Variants in ALKBH4 observed in about 807,000 individuals in gnomAD.
The protein encoded by ALKBH4 is alpha-ketoglutarate-dependent dioxygenase alkB homolog 4.
Under a neutral mutation model 12.1 loss-of-function variants are expected in ALKBH4, and 8 were observed. The ratio of observed to expected loss-of-function variants is 0.66; its 90% CI spans 0.39 to 1.19. The LOEUF (loss-of-function observed/expected upper bound fraction) is 1.19, where lower values mean the gene tolerates loss of function less well. ALKBH4 is among the 50% of genes most tolerant of loss of function. ALKBH4 has a pLI of 0.01. For synonymous variants in ALKBH4, 195 were observed against 191.6 expected, an observed-to-expected ratio of 1.02 and a Z score of -0.15; for missense variants, 403 against 430.4, an observed-to-expected ratio of 0.94 and a Z score of 0.56.
At position 102,457,361 on chromosome 7, in the gene ALKBH4, G is replaced by A. The variant is rs761158734; in HGVS notation, c.*33C>T. 2.7e-5 allele frequency: 43 copies of A among 1,579,382 alleles called. No homozygotes were observed. The highest frequency in any genetic ancestry group is 4.0e-5 in the African/African-American group (3 of 74,418). On this transcript the variant is annotated 3_prime_UTR_variant, in exon 3 of 3. Transcript: ENST00000292566. This position sits in a 1 kb window ranked among gnomAD's most constrained non-coding sequence, Gnocchi z 5.9. Reference sequence around the variant, plus strand: ...GTTCTGTGCTCCTCATTTCAATCCCGGGATCAGTCAAGTCTGGAGCCAAGG... The same window carrying A: ...GTTCTGTGCTCCTCATTTCAATCCCAGGATCAGTCAAGTCTGGAGCCAAGG...
intron 2 of ALKBH4, chr7:102,459,367 G>A (rs1178409037): frequency 9.0e-6 from 4 of 443,722 alleles, no homozygotes; most frequent in African/African-American, 2.0e-5. Flanking sequence ...CTACAGAGGG[G>A]CAGAGAGCCC....
At position 102,457,508 on chromosome 7, in the gene ALKBH4, G is replaced by T. The variant is rs539806636; in HGVS notation, c.795C>A (p.Arg265=). The change falls in exon 3 of 3, where the codon CGC becomes CGA. Residue 265 remains arginine, a synonymous_variant. Transcript: ENST00000292566. This position sits in a 1 kb window ranked among gnomAD's most constrained non-coding sequence, Gnocchi z 5.9. The part of the protein sequence containing the change: ...AIHRRHIEAR[R]VCVTFRELSA... ...ACAGCTCCCGGAAAGTGACGCAGACGCGGCGGGCCTCGATGTGTCTGCGGT... is the reference window on the plus strand; with the variant it reads ...ACAGCTCCCGGAAAGTGACGCAGACTCGGCGGGCCTCGATGTGTCTGCGGT... The T allele has an allele frequency of 1.2e-6, 2 of 1,613,282 alleles. No homozygotes were observed. The highest frequency in any genetic ancestry group is 4.5e-5 in the East Asian group (2 of 44,882).
intron 1 of ALKBH4, among the ~76,000 whole-genome samples, chr7:102,462,870 G>T (rs1797826182): frequency 6.6e-6 from 1 of 151,792 alleles, no homozygotes; most frequent in African/African-American, 2.4e-5. Flanking sequence ...CAGGAATCAT[G>T]CAGTATTTGT....
At chr7:102,462,380 T>C (rs1797817863) in intron 1 of ALKBH4, among the ~76,000 whole-genome samples, 1 of 152,066 alleles carries the variant, frequency 6.6e-6, no homozygotes, top group Non-Finnish European at 1.5e-5. Context: ...TTTTCTTTTT[T>C]TTTGTTTGAG....
chr7:102,463,491 G>A (rs971503006), intron 1 of ALKBH4, among the ~76,000 whole-genome samples: 2 of 151,662 alleles, frequency 1.3e-5, no homozygotes, highest in Non-Finnish European at 1.5e-5. Context: ...CACCAAGCCC[G>A]GCAAGTTTTT....
At position 102,463,901 on chromosome 7, in the gene ALKBH4, C is replaced by T. The variant is rs1385428116; in HGVS notation, c.123+813G>A. On this transcript the variant is annotated intron_variant, in intron 1 of 2. Transcript: ENST00000292566. ...CAGCCTCCACACCTTCATATCTGCC[C>T]GTTCCCTTCCCAGGATCTTTCTAAA... Among the ~76,000 whole-genome samples the T allele has an allele frequency of 2.6e-5, 4 of 152,204 alleles. 1 individual carries two copies. The highest frequency in any genetic ancestry group is 2.0e-4 in the Admixed American group (3 of 15,286).
chr7:102,457,767 C>A lies in ALKBH4; in HGVS notation c.536G>T (p.Arg179Leu). ...GGACAGGAGGTTGAGGCTGACCAGC[C>A]GCTCCCCCCACAGCCAGGCGTCGTC... ...HLDDAWLWGE[R>L]LVSLNLLSPT... is the part of the protein sequence containing the mutation. Residue 179 changes from arginine to leucine, a missense_variant, in exon 3 of 3, where the codon CGG (arginine) becomes CTG (leucine). Physicochemically the swap from Arg to Leu is moderately radical, Grantham distance 102. Transcript: ENST00000292566. This position sits in a 1 kb window ranked among gnomAD's most constrained non-coding sequence, Gnocchi z 5.9. The A allele has an allele frequency of 6.3e-7, 1 of 1,592,694 alleles. No homozygotes were observed.
intron 2 of ALKBH4, among the ~76,000 whole-genome samples, chr7:102,458,411 A>G (rs1427328885): frequency 1.3e-5 from 2 of 152,184 alleles, no homozygotes; most frequent in Non-Finnish European, 2.9e-5. Flanking sequence ...CTCTAGTAAC[A>G]AAACAAAAAT....
intron 1 of ALKBH4, among the ~76,000 whole-genome samples, chr7:102,462,357 C>T (rs1310664366): frequency 2.6e-5 from 4 of 151,146 alleles, no homozygotes; most frequent in Admixed American, 1.3e-4. Context: ...TCAGACTTTC[C>T]GCAATTTTTT....
chr7:102,464,401 T>C (rs1424730561), intron 1 of ALKBH4, among the ~76,000 whole-genome samples: 1 of 152,060 alleles, frequency 6.6e-6, no homozygotes, highest in African/African-American at 2.4e-5. Context: ...GCACCCTCGA[T>C]CGACCCTTTC....
chr7:102,457,809 G>A lies in ALKBH4; in HGVS notation c.494C>T (p.Ala165Val), dbSNP rs1414519977. The change falls in exon 3 of 3, where the codon GCC (alanine) becomes GTC (valine). Residue 165 changes from alanine to valine, a missense_variant. Ala to Val is a moderately conservative substitution (Grantham distance 64, BLOSUM62 0). Transcript: ENST00000292566. The surrounding 1 kb of genome is among the most constrained non-coding windows in gnomAD (Gnocchi z 5.9). The stretch of plus-strand genomic sequence containing the variant: ...GGCGTCGTCCAGGTGGGGGTCAATG[G>A]CAGAGCCCCGCTCGGGGCAGTAGTC... ...NLDYCPERGS[A>V]IDPHLDDAWL... 3 of 1,608,326 alleles carry A rather than the reference G, an allele frequency of 1.9e-6. No individual in the cohort carries two copies. Among genetic ancestry groups the A allele is most frequent in the Admixed American group, 1.7e-5 (1 of 59,920 alleles).
Position 102,457,471 on chromosome 7 carries a change from C to G in ALKBH4, c.832G>C (p.Gly278Arg), listed in dbSNP as rs1362645425. The G allele has an allele frequency of 6.2e-7, 1 of 1,613,530 alleles. No homozygotes were observed. Among genetic ancestry groups the G allele is most frequent in the East Asian group, 2.2e-5 (1 of 44,882 alleles). The change falls in exon 3 of 3, where the codon GGC becomes CGC. Residue 278 changes from glycine to arginine, a missense_variant. Physicochemically the swap from Gly to Arg is moderately radical, Grantham distance 125. Transcript: ENST00000292566. This position sits in a 1 kb window ranked among gnomAD's most constrained non-coding sequence, Gnocchi z 5.9. Reference protein sequence around the residue: ...VTFRELSAEFGPGGRQQELGQ... With the variant: ...VTFRELSAEFRPGGRQQELGQ... ...AGCTCTTGCTGCCTCCCTCCAGGGC[C>G]AAACTCAGCCGACAGCTCCCGGAAA...
Position 102,459,649 on chromosome 7 carries a change from C to CAT in ALKBH4, c.274_275dup (p.Met92IlefsTer30). On this transcript the variant is annotated frameshift_variant, in exon 2 of 3. Transcript: ENST00000292566. LOFTEE classifies it high-confidence loss of function. ...GGGAGAGCTTCCAGGGGTCACGGTC[C>CAT]ATGAGCCGCACCAACTCGGCTTCTT... 6.2e-7 allele frequency: 1 copy of CAT among 1,614,202 alleles called. No homozygotes were observed. The highest frequency in any genetic ancestry group is 2.2e-5 in the East Asian group (1 of 44,886).
At chr7:102,462,098 G>A (rs1018002776) in intron 1 of ALKBH4, among the ~76,000 whole-genome samples, 3 of 152,216 alleles carry the variant, frequency 2.0e-5, no homozygotes, top group African/African-American at 7.2e-5. Context: ...GGAGTCCCCC[G>A]TGTGTCGGCT....
intron 1 of ALKBH4, 95 bp downstream of exon 1, chr7:102,464,619 G>C: frequency 7.0e-7 from 1 of 1,419,542 alleles, no homozygotes; most frequent in Non-Finnish European, 9.2e-7. Context: ...TCCCTCACAG[G>C]CTTCGATCCC....
At chr7:102,462,374 C>CTT (rs113479086) in intron 1 of ALKBH4, among the ~76,000 whole-genome samples, 13 of 151,264 alleles carry the variant, frequency 8.6e-5, no homozygotes, top group African/African-American at 2.9e-4. Context: ...TTTTTCTTTT[C>CTT]TTTTTTTTTG....
At chr7:102,458,662 T>C (rs1797715358) in intron 2 of ALKBH4, among the ~76,000 whole-genome samples, 1 of 143,112 alleles carries the variant, frequency 7.0e-6, no homozygotes, top group Non-Finnish European at 1.5e-5. Context: ...CGCTAGAGCC[T>C]GGGGGGTCAA....
intron 1 of ALKBH4, among the ~76,000 whole-genome samples, chr7:102,460,537 T>C (rs530287909): frequency 1.3e-5 from 2 of 152,290 alleles, no homozygotes; most frequent in African/African-American, 4.8e-5. Context: ...AACACGAATT[T>C]GATTGGTTTC....
intron 2 of ALKBH4, 168 bp downstream of exon 2, chr7:102,459,436 C>T (rs901454951): frequency 1.7e-5 from 13 of 750,946 alleles, no homozygotes; most frequent in Admixed American, 8.8e-5. Flanking sequence ...ATCGGACACA[C>T]GTCCTGCAGC....
Sources: gnomAD v4.1 joint callset for allele counts (sites outside exome capture counted in the v4.1 genomes callset) on GRCh38, gnomAD v4.1.1 for gene constraint, Gnocchi (gnomAD v3.1) non-coding constraint, MANE v1.5 for transcripts, NCBI Gene and HGNC (gene_info 2026-07-23, HGNC 2026-07-21) for gene names.